Variants in PCDH15 observed in about 807,000 individuals in gnomAD.
PCDH15 encodes the protein protocadherin-15.
A neutral mutation model predicts 178.5 loss-of-function variants in PCDH15; 129 were observed. That is an observed-to-expected ratio of 0.72 (90% confidence interval 0.63 to 0.84). The LOEUF (loss-of-function observed/expected upper bound fraction) is 0.84. PCDH15 is among the 40% of genes least tolerant of loss of function. The pLI, the probability that PCDH15 is intolerant of heterozygous loss-of-function variation, is 0.00. For synonymous variants in PCDH15, 800 were observed against 732.0 expected, an observed-to-expected ratio of 1.09 and a Z score of -1.50; for missense variants, 2,230 against 2,099.9, an observed-to-expected ratio of 1.06 and a Z score of -1.21.
At chr10:55,186,642 T>G (rs577436659) in intron 1 of PCDH15, among the ~76,000 whole-genome samples, 1 of 151,930 alleles carries the variant, frequency 6.6e-6, no homozygotes, top group Non-Finnish European at 1.5e-5. Flanking sequence ...AGAAAAAACT[T>G]ACATTTTTAA....
intron 21 of PCDH15, among the ~76,000 whole-genome samples, chr10:53,970,211 T>G (rs999632023): frequency 6.6e-6 from 1 of 151,892 alleles, no homozygotes; most frequent in African/African-American, 2.4e-5. Flanking sequence ...GTTGCAATCC[T>G]AGTCTCTGAT....
chr10:54,690,093 G>A (rs926984175), intron 1 of PCDH15, among the ~76,000 whole-genome samples: 1 of 152,204 alleles, frequency 6.6e-6, no homozygotes, highest in South Asian at 2.1e-4. Flanking sequence ...GATCCCTTAA[G>A]ATTGGAATGG....
chr10:54,439,253 T>C (rs192718601), intron 3 of PCDH15, among the ~76,000 whole-genome samples: 35 of 151,894 alleles, frequency 2.3e-4, no homozygotes, highest in African/African-American at 8.5e-4. Context: ...AACTTAAAGT[T>C]TAAGAAAGAT....
chr10:53,840,272 G>C, intron 29 of PCDH15, 48 bp downstream of exon 29: 4 of 1,567,886 alleles, frequency 2.6e-6, no homozygotes, highest in Non-Finnish European at 3.5e-6. Context: ...ATCATCTATG[G>C]TTGCTATTGT....
At chr10:55,300,674 C>T (rs191026539) in intron 1 of PCDH15, among the ~76,000 whole-genome samples, 5 of 152,024 alleles carry the variant, frequency 3.3e-5, no homozygotes. Flanking sequence ...AAAATTGATT[C>T]AATTTAGAAA....
At chr10:54,227,782 T>G (rs1564732263) in intron 9 of PCDH15, among the ~76,000 whole-genome samples, 1 of 152,192 alleles carries the variant, frequency 6.6e-6, no homozygotes, top group African/African-American at 2.4e-5. Context: ...AGAAATTTCT[T>G]CCACCAGATA....
intron 2 of PCDH15, among the ~76,000 whole-genome samples, chr10:55,552,094 A>T (rs1842013489): frequency 6.6e-6 from 1 of 151,760 alleles, no homozygotes; most frequent in Non-Finnish European, 1.5e-5. Flanking sequence ...TTACATCTCT[A>T]TTATTCATAC....
intron 2 of PCDH15, among the ~76,000 whole-genome samples, chr10:55,548,805 T>TAAAGA (rs1841944675): frequency 6.6e-6 from 1 of 152,080 alleles, no homozygotes; most frequent in Admixed American, 6.6e-5. Context: ...TGTGAAGTCT[T>TAAAGA]TGAATAAGAA....
intron 3 of PCDH15, among the ~76,000 whole-genome samples, chr10:54,438,036 T>C (rs576618196): frequency 4.6e-5 from 7 of 152,122 alleles, no homozygotes; most frequent in Non-Finnish European, 1.0e-4. Context: ...TTGGTAAATT[T>C]GACTTACTTT....
intron 26 of PCDH15, among the ~76,000 whole-genome samples, chr10:53,885,455 T>A (rs2133388235): frequency 6.6e-6 from 1 of 152,316 alleles, no homozygotes; most frequent in Middle Eastern, 3.4e-3. Context: ...ATACTGATAC[T>A]GCTTGAAGAC....
At chr10:54,366,374 G>T (rs973597295) in intron 5 of PCDH15, among the ~76,000 whole-genome samples, 1 of 151,848 alleles carries the variant, frequency 6.6e-6, no homozygotes, top group African/African-American at 2.4e-5. Flanking sequence ...TATACTAAAA[G>T]GACAAATAGT....
intron 13 of PCDH15, among the ~76,000 whole-genome samples, chr10:54,174,096 G>A (rs771000454): frequency 2.6e-5 from 4 of 152,180 alleles, no homozygotes; most frequent in Non-Finnish European, 4.4e-5. Flanking sequence ...CATTGAAGGG[G>A]TCAAGCATGC....
intron 1 of PCDH15, among the ~76,000 whole-genome samples, chr10:54,718,256 T>TATA (rs911397795): frequency 7.4e-5 from 11 of 148,324 alleles, no homozygotes; most frequent in Admixed American, 2.0e-4. Context: ...AAACTTGAAG[T>TATA]ATAATAATAA....
At chr10:54,682,075 A>T (rs978630405) in intron 1 of PCDH15, among the ~76,000 whole-genome samples, 5 of 152,192 alleles carry the variant, frequency 3.3e-5, no homozygotes, top group African/African-American at 1.2e-4. Context: ...GCATACAGTT[A>T]TACAGTTATT....
chr10:53,918,809 C>G (rs1290846945), intron 25 of PCDH15, among the ~76,000 whole-genome samples: 1 of 151,572 alleles, frequency 6.6e-6, no homozygotes, highest in Non-Finnish European at 1.5e-5. Flanking sequence ...TAGATTACGG[C>G]AAAATTAGTG....
intron 20 of PCDH15, among the ~76,000 whole-genome samples, chr10:53,997,731 A>C (rs918058001): frequency 6.6e-6 from 1 of 152,216 alleles, no homozygotes; most frequent in African/African-American, 2.4e-5. Flanking sequence ...TTGAATGTAC[A>C]GTGATTCACA....
rs1460595144 is a variant in PCDH15 at position 53,806,285 on chromosome 10, A to AATT, written c.*291_*293dup. The AATT allele has an allele frequency of 1.1e-5, 3 of 265,428 alleles. No homozygotes were observed. Among genetic ancestry groups the AATT allele is most frequent in the Middle Eastern group, 1.3e-3 (1 of 774 alleles). The allele number at this position is 265,428 out of a possible 1,614,324, so 16.4% of individuals were successfully genotyped here. A position where few individuals can be genotyped will look rare whatever the true frequency, so the allele number is the denominator to read the frequency against. ...AATAAAATATAAATGATTATTTAGTAATTATTTCTTGTTTATTAAAATGAA... is the reference window on the plus strand; with the variant it reads ...AATAAAATATAAATGATTATTTAGTAATTATTATTTCTTGTTTATTAAAATGAA... On this transcript the variant is annotated 3_prime_UTR_variant, in exon 38 of 38. Coordinates refer to ENST00000644397, the MANE Select transcript of PCDH15 (RefSeq NM_001384140.1).
chr10:54,403,472 C>G (rs1482650122), intron 3 of PCDH15, among the ~76,000 whole-genome samples: 1 of 151,976 alleles, frequency 6.6e-6, no homozygotes. Context: ...ATATGAAAAA[C>G]TCACAGCCAA....
chr10:54,041,922 AATAG>A (rs1312236536), intron 18 of PCDH15, among the ~76,000 whole-genome samples: 1 of 152,146 alleles, frequency 6.6e-6, no homozygotes, highest in African/African-American at 2.4e-5. Flanking sequence ...AGGAAATGAC[AATAG>A]ATACAGTACC....
Sources: gnomAD v4.1 joint callset for allele counts (sites outside exome capture counted in the v4.1 genomes callset) on GRCh38, gnomAD v4.1.1 for gene constraint, MANE v1.5 for transcripts, NCBI Gene and HGNC (gene_info 2026-07-23, HGNC 2026-07-21) for gene names.